FCHSD2: variants seen among roughly 807,000 people sequenced by gnomAD.
FCHSD2 encodes F-BAR and double SH3 domains protein 2.
FCHSD2 carries 38 observed loss-of-function variants against 108.1 expected under a neutral mutation model. The ratio of observed to expected loss-of-function variants is 0.35; its 90% CI spans 0.27 to 0.46. FCHSD2 has a LOEUF of 0.46. Among genes scored for constraint, FCHSD2 ranks in the 20% least tolerant of loss-of-function variants. The pLI is 1.00. For synonymous variants in FCHSD2, 279 were observed against 314.7 expected (o/e 0.89, Z 1.20); for missense variants, 751 against 897.8 (o/e 0.84, Z 2.09).
At chr11:73,010,943 C>T (rs1337970661) in intron 4 of FCHSD2, among the ~76,000 whole-genome samples, 1 of 152,012 alleles carries the variant, frequency 6.6e-6, no homozygotes, top group East Asian at 1.9e-4. Flanking sequence ...TCTTCTGGGT[C>T]TTGAGCAGTG....
At chr11:72,986,244 C>G (rs1451167003) in intron 6 of FCHSD2, among the ~76,000 whole-genome samples, 1 of 152,208 alleles carries the variant, frequency 6.6e-6, no homozygotes, top group African/African-American at 2.4e-5. Flanking sequence ...GAGTCTCGCT[C>G]TGTTGCCCAG....
At chr11:72,956,905 G>C (rs956747934) in intron 8 of FCHSD2, among the ~76,000 whole-genome samples, 1 of 151,438 alleles carries the variant, frequency 6.6e-6, no homozygotes, top group Admixed American at 6.6e-5. Flanking sequence ...GAGACAGTTT[G>C]ACATCATGCA....
chr11:72,962,151 G>C (rs1048572652), intron 8 of FCHSD2, among the ~76,000 whole-genome samples: 10 of 152,090 alleles, frequency 6.6e-5, no homozygotes, highest in African/African-American at 2.4e-4. Context: ...GACCACTGGG[G>C]GGAATCTCTG....
chr11:73,003,488 ATTT>A (rs574233006), intron 4 of FCHSD2, among the ~76,000 whole-genome samples: 1 of 139,330 alleles, frequency 7.2e-6, no homozygotes, highest in Non-Finnish European at 1.6e-5. Flanking sequence ...TCATAGAGTG[ATTT>A]TTTTTTTTTT....
chr11:73,055,386 C>T lies in FCHSD2; in HGVS notation c.165+28309G>A, dbSNP rs778961283. On this transcript the variant is annotated intron_variant, in intron 3 of 19. Coordinates refer to ENST00000409418, the MANE Select transcript of FCHSD2 (RefSeq NM_014824.3). ...TGATAAAGAAACACTGAAGTAAATA[C>T]TAATAATTCAAATACAAACAAATGG... 2.6e-4 allele frequency among the ~76,000 whole-genome samples: 39 copies of T among 151,552 alleles called. No homozygotes were observed. The Middle Eastern group carries it at 0.01, about 41-fold the overall frequency.
rs777627260 is a variant in FCHSD2 at position 72,838,760 on chromosome 11, T to C, written c.*31A>G. 8 of 1,554,704 alleles carry C rather than the reference T, an allele frequency of 5.1e-6. No homozygotes were observed. The African/African-American group carries it at 5.4e-5, about 11-fold the overall frequency. On this transcript the variant is annotated 3_prime_UTR_variant, in exon 20 of 20. Transcript: ENST00000409418. ...GGCCAAACTCCAAGCCTGGCCTTGA[T>C]TGTAGCAGTAATGGATGGGCAAGCC...
intron 2 of FCHSD2, among the ~76,000 whole-genome samples, chr11:73,104,428 C>A (rs1442623017): frequency 6.6e-6 from 1 of 152,074 alleles, no homozygotes. Flanking sequence ...CACCACCATG[C>A]CTGGCTAATT....
Position 72,984,288 on chromosome 11 carries a change from T to C in FCHSD2, c.577-72A>G, listed in dbSNP as rs184884281. On this transcript the variant is annotated intron_variant, in intron 7 of 19. Transcript: ENST00000409418. ...TGCAAAACACATAGGAATCCTACTC[T>C]TAGTTTGCAATTAATGGCTCCCCAA... 799 of 1,460,910 alleles carry C rather than the reference T, an allele frequency of 5.5e-4. 2 individuals carry two copies. The highest frequency in any genetic ancestry group is 5.0e-4 in the Non-Finnish European group (527 of 1,051,330). 90.5% of individuals were successfully genotyped at this position (1,460,910 alleles called of 1,614,324 possible). A position where few individuals can be genotyped will look rare whatever the true frequency, so the allele number is the denominator to read the frequency against.
intron 8 of FCHSD2, among the ~76,000 whole-genome samples, chr11:72,960,071 A>C (rs1046580036): frequency 2.0e-5 from 3 of 152,150 alleles, no homozygotes; most frequent in African/African-American, 7.2e-5. Context: ...GTCTATAAAG[A>C]AAAAAGGTTT....
At chr11:73,134,929 C>T (rs1055140211) in intron 2 of FCHSD2, among the ~76,000 whole-genome samples, 6 of 152,148 alleles carry the variant, frequency 3.9e-5, no homozygotes, top group Non-Finnish European at 5.9e-5. Flanking sequence ...ACTGCAACCT[C>T]CACCTCCCAG....
chr11:72,878,938 C>T (rs1306906178), intron 12 of FCHSD2, among the ~76,000 whole-genome samples: 2 of 151,732 alleles, frequency 1.3e-5, no homozygotes, highest in East Asian at 3.9e-4. Flanking sequence ...GAAACCCCGT[C>T]TCTACTAAAA....
At chr11:73,001,601 G>A (rs1857627157) in intron 4 of FCHSD2, among the ~76,000 whole-genome samples, 1 of 152,042 alleles carries the variant, frequency 6.6e-6, no homozygotes, top group African/African-American at 2.4e-5. Flanking sequence ...ACGAAGATTG[G>A]GTACCTGTAT....
At chr11:73,116,237 A>G (rs978693511) in intron 2 of FCHSD2, among the ~76,000 whole-genome samples, 8 of 152,194 alleles carry the variant, frequency 5.3e-5, no homozygotes, top group Non-Finnish European at 1.5e-5. Context: ...AGTTTTTATA[A>G]AAACCCAATT....
intron 14 of FCHSD2, among the ~76,000 whole-genome samples, chr11:72,844,315 T>C (rs1318903351): frequency 1.3e-5 from 2 of 152,098 alleles, no homozygotes; most frequent in Non-Finnish European, 2.9e-5. Flanking sequence ...GTGCCTAGGA[T>C]TGATCTGGAA....
At chr11:73,062,154 T>C (rs530234408) in intron 3 of FCHSD2, among the ~76,000 whole-genome samples, 45 of 152,226 alleles carry the variant, frequency 3.0e-4, no homozygotes, top group East Asian at 2.3e-3. Context: ...CTGCTGATGA[T>C]ACCCAGGCAA....
intron 10 of FCHSD2, among the ~76,000 whole-genome samples, chr11:72,890,267 G>C (rs1855286696): frequency 6.6e-6 from 1 of 152,150 alleles, no homozygotes; most frequent in East Asian, 1.9e-4. Context: ...AAGCAAAGAA[G>C]AAAATGTATT....
chr11:73,040,232 C>A (rs1332317553), intron 3 of FCHSD2, among the ~76,000 whole-genome samples: 1 of 152,178 alleles, frequency 6.6e-6, no homozygotes, highest in African/African-American at 2.4e-5. Flanking sequence ...ATGCAAATGC[C>A]AACCAACCCA....
At chr11:73,083,887 C>T in intron 2 of FCHSD2, 147 bp from the exon 3 acceptor site, 1 of 642,484 alleles carries the variant, frequency 1.6e-6, no homozygotes. Context: ...AGGAATACTG[C>T]TAACAGCCTG....
At chr11:73,033,426 G>T (rs1421288007) in intron 3 of FCHSD2, among the ~76,000 whole-genome samples, 1 of 152,046 alleles carries the variant, frequency 6.6e-6, no homozygotes, top group East Asian at 1.9e-4. Flanking sequence ...AAGAATTTTA[G>T]AATTATGAAC....
Sources: allele counts gnomAD v4.1 joint callset (sites outside exome capture counted in the v4.1 genomes callset), GRCh38; gene constraint gnomAD v4.1.1; transcripts MANE v1.5; gene names NCBI Gene and HGNC (gene_info 2026-07-23, HGNC 2026-07-21).